Variants in PTPRB observed in about 807,000 individuals in gnomAD.
PTPRB encodes the protein protein tyrosine phosphatase receptor type B.
Under a neutral mutation model 238.1 loss-of-function variants are expected in PTPRB, and 97 were observed. The observed-to-expected ratio is 0.41, with a 90% CI of 0.35 to 0.48. The LOEUF (loss-of-function observed/expected upper bound fraction) is 0.48. Ranked by LOEUF, PTPRB falls within the 20% of genes least tolerant of loss-of-function variation. The probability of loss-of-function intolerance (pLI) is 0.30; values close to 1 mark genes in which losing one functional copy is unlikely to be tolerated. For synonymous variants in PTPRB, 970 were observed against 995.4 expected (o/e 0.97, Z 0.48); for missense variants, 2,292 against 2,681.9 (o/e 0.85, Z 3.21).
chr12:70,621,333 G>A (rs1884918866), intron 3 of PTPRB, among the ~76,000 whole-genome samples: 1 of 152,146 alleles, frequency 6.6e-6, no homozygotes, highest in African/African-American at 2.4e-5. Context: ...TAACATTTAA[G>A]TCAAATTTAG....
At chr12:70,546,567 G>A (rs1403871979) in intron 21 of PTPRB, among the ~76,000 whole-genome samples, 1 of 152,174 alleles carries the variant, frequency 6.6e-6, no homozygotes, top group African/African-American at 2.4e-5. Context: ...ACATAATATA[G>A]TTAGCTTCAG....
chr12:70,548,902 G>A (rs969390836), intron 21 of PTPRB, among the ~76,000 whole-genome samples: 1 of 152,024 alleles, frequency 6.6e-6, no homozygotes, highest in Non-Finnish European at 1.5e-5. Flanking sequence ...TCCCTATCTG[G>A]GTATTTCTAA....
At chr12:70,610,041 G>A (rs1353451144) in intron 3 of PTPRB, among the ~76,000 whole-genome samples, 1 of 152,018 alleles carries the variant, frequency 6.6e-6, no homozygotes, top group East Asian at 1.9e-4. Context: ...GACAGGCAGC[G>A]CGCCGCCCTT....
At chr12:70,531,306 A>AT (rs35411048) in intron 32 of PTPRB, among the ~76,000 whole-genome samples, 31,578 of 149,056 alleles carry the variant, frequency 0.21, 3,521 homozygotes, top group African/African-American at 0.27. Flanking sequence ...CCAACCATGG[A>AT]TTTTTTTTTT....
At chr12:70,598,504 A>G (rs1176998359) in intron 4 of PTPRB, among the ~76,000 whole-genome samples, 1 of 149,724 alleles carries the variant, frequency 6.7e-6, no homozygotes, top group Non-Finnish European at 1.5e-5. Flanking sequence ...AAGCTATTTA[A>G]CCTGTCTAAG....
In PTPRB at chr12:70,592,266, G is replaced by A; in HGVS notation, c.1780+16C>T. 1 of 1,613,910 alleles carries A rather than the reference G, an allele frequency of 6.2e-7. No individual in the cohort carries two copies. Among genetic ancestry groups the A allele is most frequent in the Non-Finnish European group, 8.5e-7 (1 of 1,179,862 alleles). Reference sequence around the variant, plus strand: ...GATTTGAGCAACCAAGGAACATTCTGGAGCCCAAGACTCACATGTTCTGCC... The same window carrying A: ...GATTTGAGCAACCAAGGAACATTCTAGAGCCCAAGACTCACATGTTCTGCC... On this transcript the variant is annotated intron_variant, in intron 7 of 33. Transcript: ENST00000334414.
At chr12:70,591,088 G>A (rs539263623) in intron 7 of PTPRB, among the ~76,000 whole-genome samples, 40 of 148,812 alleles carry the variant, frequency 2.7e-4, no homozygotes, top group African/African-American at 9.8e-4. Flanking sequence ...ATGTCACCAT[G>A]CCCAGCTAAT....
chr12:70,537,026 T>C (rs1874234074), intron 28 of PTPRB, among the ~76,000 whole-genome samples: 1 of 152,096 alleles, frequency 6.6e-6, no homozygotes, highest in African/African-American at 2.4e-5. Context: ...GGCTCACCCC[T>C]GTAATCCCAG....
intron 2 of PTPRB, among the ~76,000 whole-genome samples, chr12:70,635,447 A>G (rs1461437185): frequency 6.6e-6 from 1 of 152,206 alleles, no homozygotes; most frequent in Non-Finnish European, 1.5e-5. Flanking sequence ...GAAGGAAGAA[A>G]AAGCAATAGA....
intron 23 of PTPRB, chr12:70,540,561 CCACA>C (rs71068705): frequency 0.16 from 49,104 of 309,812 alleles, 4,765 homozygotes; most frequent in Non-Finnish European, 0.21. Flanking sequence ...AGGATATGAA[CCACA>C]CACACACACA....
At chr12:70,596,354 CA>C (rs58070382) in intron 4 of PTPRB, 27 bp from the exon 5 acceptor site, 8,420 of 1,065,608 alleles carry the variant, frequency 7.9e-3, no homozygotes, top group South Asian at 9.4e-3. Flanking sequence ...CACACACACA[CA>C]AAAAAAAAAA....
At position 70,622,526 on chromosome 12, in the gene PTPRB, G is replaced by A. The variant is rs748668933; in HGVS notation, c.572C>T (p.Ala191Val). 2 of 1,612,538 alleles carry A rather than the reference G, an allele frequency of 1.2e-6. No individual in the cohort carries two copies. The highest frequency in any genetic ancestry group is 1.1e-5 in the South Asian group (1 of 90,936). ...GTTTTCTGCAGCATTTCTGATGAAG[G>A]CCTCTGTGGTATTCCTAATAAGGAA... is the stretch of plus-strand genomic sequence containing the variant. Reference protein sequence around the residue: ...LVFLIRNTTEAFIRNAAENYS... With the variant: ...LVFLIRNTTEVFIRNAAENYS... The change falls in exon 3 of 34, where the codon GCC (alanine) becomes GTC (valine). Residue 191 changes from alanine to valine, a missense_variant. Physicochemically the swap from Ala to Val is moderately conservative, Grantham distance 64 (BLOSUM62 0). Transcript: ENST00000334414.
chr12:70,543,426 T>C (rs1182762131), intron 22 of PTPRB, among the ~76,000 whole-genome samples: 2 of 152,232 alleles, frequency 1.3e-5, no homozygotes, highest in Admixed American at 6.5e-5. Context: ...TTTTGTCATG[T>C]AACAGTATTT....
In PTPRB at chr12:70,552,907, C is replaced by T. The variant is rs762734046; in HGVS notation, c.5257G>A (p.Glu1753Lys). Residue 1753 changes from glutamate (E) to lysine (K), a missense_variant, in exon 21 of 34, where the codon GAA becomes AAA. Coordinates refer to ENST00000334414, the MANE Select transcript of PTPRB (RefSeq NM_001109754.4). The stretch of plus-strand genomic sequence containing the variant: ...CTCTTGGAGTTGCTGTTAGGATTTT[C>T]GGCACATTTGCTGGCAAAATAATTA... The part of the protein sequence containing the change: ...QTNYFASKCA[E>K]NPNSNSKSFN... The T allele has an allele frequency of 8.7e-6, 14 of 1,613,908 alleles. No homozygotes were observed. The highest frequency in any genetic ancestry group is 4.5e-5 in the East Asian group (2 of 44,874).
At chr12:70,628,270 T>C (rs1356664490) in intron 2 of PTPRB, among the ~76,000 whole-genome samples, 2 of 152,220 alleles carry the variant, frequency 1.3e-5, no homozygotes, top group African/African-American at 2.4e-5. Context: ...TAAATGCTGA[T>C]TGGTTGGCTG....
At chr12:70,609,887 G>A in intron 3 of PTPRB, 3 of 1,438,870 alleles carry the variant, frequency 2.1e-6, no homozygotes, top group Non-Finnish European at 2.8e-6. Context: ...CGGGGCAGGG[G>A]GTCACCTGTT....
chr12:70,568,188 A>G (rs1384836464), intron 14 of PTPRB, among the ~76,000 whole-genome samples: 2 of 151,672 alleles, frequency 1.3e-5, no homozygotes, highest in African/African-American at 4.8e-5. Context: ...TCTCATAACC[A>G]CTTTTTTCTT....
chr12:70,522,195 A>C (rs1180517015), intron 33 of PTPRB, among the ~76,000 whole-genome samples: 1 of 152,182 alleles, frequency 6.6e-6, no homozygotes, highest in Non-Finnish European at 1.5e-5. Flanking sequence ...CCTGTTGAAG[A>C]TCATTTAGAA....
At chr12:70,578,341 A>G (rs1247263988) in intron 10 of PTPRB, among the ~76,000 whole-genome samples, 2 of 152,166 alleles carry the variant, frequency 1.3e-5, no homozygotes, top group Non-Finnish European at 1.5e-5. Context: ...TCAAGGCCTT[A>G]CCCACTGAAT....
Sources: allele counts gnomAD v4.1 joint callset (sites outside exome capture counted in the v4.1 genomes callset), GRCh38; gene constraint gnomAD v4.1.1; transcripts MANE v1.5; gene names NCBI Gene and HGNC (gene_info 2026-07-23, HGNC 2026-07-21).